RBPJ: variants seen among roughly 807,000 people sequenced by gnomAD.
RBPJ encodes the protein recombining binding protein suppressor of hairless.
RBPJ carries 9 observed loss-of-function variants against 67.8 expected under a neutral mutation model. The observed-to-expected ratio is 0.13, with a 90% CI of 0.08 to 0.23. The LOEUF (loss-of-function observed/expected upper bound fraction) is 0.23, where lower values mean the gene tolerates loss of function less well. Ranked by LOEUF, RBPJ falls within the 10% of genes least tolerant of loss-of-function variation. The probability of loss-of-function intolerance (pLI) is 1.00; values close to 1 mark genes in which losing one functional copy is unlikely to be tolerated. For synonymous variants in RBPJ, 198 were observed against 203.3 expected (o/e 0.97, Z 0.22); for missense variants, 305 against 595.6 (o/e 0.51, Z 5.08).
At chr4:26,247,864 A>G (rs945444731) in intron 1 of RBPJ, among the ~76,000 whole-genome samples, 2 of 152,222 alleles carry the variant, frequency 1.3e-5, no homozygotes, top group Non-Finnish European at 2.9e-5. Flanking sequence ...GGAGTGCAAT[A>G]GTTGGGAAAC....
At position 26,368,892 on chromosome 4, in the gene RBPJ, G is replaced by A. The variant is rs147015902; in HGVS notation, c.21-17461G>A. 7.9e-5 allele frequency among the ~76,000 whole-genome samples: 12 copies of A among 152,338 alleles called. No homozygotes were observed. The East Asian group carries it at 2.3e-3, about 29-fold the overall frequency. On this transcript the variant is annotated intron_variant, in intron 1 of 10. Transcript: ENST00000355476. Reference sequence around the variant, plus strand: ...CTTATAAAATGGGGGGTGACTGGGTGCAAGCAGAACACACTGAAAGCATTC... The same window carrying A: ...CTTATAAAATGGGGGGTGACTGGGTACAAGCAGAACACACTGAAAGCATTC...
chr4:26,324,718 G>A (rs562458787), intron 1 of RBPJ, among the ~76,000 whole-genome samples: 189 of 152,066 alleles, frequency 1.2e-3, no homozygotes, highest in African/African-American at 4.3e-3. Context: ...TAGTAGACAT[G>A]GGGTTTCGCC....
At chr4:26,140,532 C>T in the RBPJ span, among the ~76,000 whole-genome samples, 2 of 152,150 alleles carry the variant, frequency 1.3e-5, no homozygotes, top group South Asian at 2.1e-4. Flanking sequence ...AAATGGCTCC[C>T]GATGGGCAGG....
chr4:26,254,192 A>G (rs139637371), intron 1 of RBPJ, among the ~76,000 whole-genome samples: 9 of 148,804 alleles, frequency 6.0e-5, no homozygotes, highest in East Asian at 5.8e-4. Flanking sequence ...GCACTTTCCA[A>G]TGTGTCAATC....
chr4:26,290,065 CAT>C (rs1475011637), intron 1 of RBPJ, among the ~76,000 whole-genome samples: 1 of 150,184 alleles, frequency 6.7e-6, no homozygotes, highest in African/African-American at 2.5e-5. Flanking sequence ...CATGGTGACT[CAT>C]GTCTGAAATC....
At chr4:26,213,334 G>A (rs1718503174) in intron 1 of RBPJ, among the ~76,000 whole-genome samples, 1 of 152,170 alleles carries the variant, frequency 6.6e-6, no homozygotes, top group Admixed American at 6.6e-5. Flanking sequence ...TCACACCAAA[G>A]TCCTCTGTGT....
the RBPJ span, among the ~76,000 whole-genome samples, chr4:26,106,211 A>G: frequency 1.3e-5 from 2 of 152,246 alleles, no homozygotes; most frequent in Non-Finnish European, 2.9e-5. Flanking sequence ...GTCTGCCTGT[A>G]CAGCAGAGGG....
chr4:26,221,190 A>C (rs1289470192), intron 1 of RBPJ, among the ~76,000 whole-genome samples: 2 of 152,148 alleles, frequency 1.3e-5, no homozygotes, highest in Non-Finnish European at 2.9e-5. Flanking sequence ...TCCTGGGTTC[A>C]CGCCATTCTC....
At chr4:26,211,276 A>G (rs1359553485) in intron 1 of RBPJ, among the ~76,000 whole-genome samples, 2 of 152,202 alleles carry the variant, frequency 1.3e-5, no homozygotes, top group East Asian at 3.8e-4. Flanking sequence ...CAGATATTCA[A>G]AAATGTTAAA....
chr4:26,362,537 A>G, intron 1 of RBPJ: 1 of 1,603,022 alleles, frequency 6.2e-7, no homozygotes, highest in Non-Finnish European at 8.5e-7. Flanking sequence ...TGATACAGAT[A>G]CACTGGCTGA....
intron 1 of RBPJ, among the ~76,000 whole-genome samples, chr4:26,259,267 A>T (rs768289013): frequency 5.3e-5 from 8 of 152,202 alleles, no homozygotes; most frequent in Admixed American, 3.3e-4. Context: ...CTCTCTGATG[A>T]AGCTTTCCTG....
intron 1 of RBPJ, among the ~76,000 whole-genome samples, chr4:26,223,976 G>T (rs1175524242): frequency 1.3e-5 from 2 of 152,180 alleles, no homozygotes; most frequent in Admixed American, 1.3e-4. Flanking sequence ...GGGAATAATT[G>T]TCTCCACCTA....
intron 2 of RBPJ, among the ~76,000 whole-genome samples, chr4:26,392,436 TC>T (rs1180656587): frequency 3.3e-5 from 5 of 152,172 alleles, no homozygotes; most frequent in African/African-American, 1.2e-4. Flanking sequence ...GGTGAGTGGA[TC>T]AACAAATTGT....
intron 2 of RBPJ, among the ~76,000 whole-genome samples, chr4:26,397,432 CTT>C (rs1478846390): frequency 3.3e-5 from 5 of 152,080 alleles, no homozygotes; most frequent in Admixed American, 6.5e-5. Context: ...TAAAAAAATT[CTT>C]GATTGAATGT....
intron 1 of RBPJ, among the ~76,000 whole-genome samples, chr4:26,286,290 G>A (rs1721464589): frequency 3.3e-5 from 5 of 151,906 alleles, no homozygotes; most frequent in South Asian, 2.1e-4. Context: ...AGCAGCCAGG[G>A]CAACACAGTG....
upstream of RBPJ, among the ~76,000 whole-genome samples, chr4:26,315,111 C>T (rs1179976131): frequency 8.0e-6 from 1 of 125,442 alleles, no homozygotes; most frequent in Non-Finnish European, 1.6e-5. Context: ...TGCCACTGCA[C>T]ACCAGCCTGG....
chr4:26,230,851 C>A (rs1409569404), intron 1 of RBPJ, among the ~76,000 whole-genome samples: 1 of 152,092 alleles, frequency 6.6e-6, no homozygotes, highest in African/African-American at 2.4e-5. Flanking sequence ...CTTTAGGATT[C>A]TGATCCCTTG....
At chr4:26,174,307 A>G (rs566026959) in intron 1 of RBPJ, among the ~76,000 whole-genome samples, 67 of 152,262 alleles carry the variant, frequency 4.4e-4, no homozygotes, top group Non-Finnish European at 5.9e-4. Flanking sequence ...AGCTTCGGGG[A>G]GGACTTCCTC....
rs1180632459 is a variant in RBPJ at position 26,219,784 on chromosome 4, GT to G, written c.-167+56179del. ...TCAGGTTTTTTTTGTTGTTGTTGTTGTTTTTTTTTGAGACGGAGTCTCACTC... is the reference window on the plus strand; with the variant it reads ...TCAGGTTTTTTTTGTTGTTGTTGTTGTTTTTTTTGAGACGGAGTCTCACTC... On this transcript the variant is annotated intron_variant, in intron 1 of 4. Transcript: ENST00000512351. Among the ~76,000 whole-genome samples, 973 of 150,668 alleles carry G rather than the reference GT, an allele frequency of 6.5e-3. 12 individuals are homozygous for G. Among genetic ancestry groups the G allele is most frequent in the African/African-American group, 0.022 (895 of 41,068 alleles).
Sources: allele counts gnomAD v4.1 joint callset (sites outside exome capture counted in the v4.1 genomes callset), GRCh38; gene constraint gnomAD v4.1.1; transcripts MANE v1.5; gene names NCBI Gene and HGNC (gene_info 2026-07-23, HGNC 2026-07-21).